MAP2: variants seen among roughly 807,000 people sequenced by gnomAD.
MAP2 encodes microtubule-associated protein 2.
A neutral mutation model predicts 137.6 loss-of-function variants in MAP2; 14 were observed. That is an observed-to-expected ratio of 0.10 (90% CI 0.07 to 0.16). The LOEUF (loss-of-function observed/expected upper bound fraction) is 0.16, where lower values mean the gene tolerates loss of function less well. Ranked by LOEUF, MAP2 falls within the 10% of genes least tolerant of loss-of-function variation. The pLI is 1.00. For synonymous variants in MAP2, 786 were observed against 782.3 expected (o/e 1.00, Z -0.08); for missense variants, 2,088 against 2,191.5 (o/e 0.95, Z 0.94).
chr2:209,707,653 T>C (rs535187540), intron 12 of MAP2, among the ~76,000 whole-genome samples: 111 of 152,266 alleles, frequency 7.3e-4, no homozygotes, highest in Non-Finnish European at 1.1e-3. Context: ...GCTTAACCTC[T>C]TCAAGTTCAG....
At chr2:209,610,217 G>T (rs2086340833) in intron 3 of MAP2, among the ~76,000 whole-genome samples, 1 of 152,010 alleles carries the variant, frequency 6.6e-6, no homozygotes, top group South Asian at 2.1e-4. Context: ...ACATGCAAAG[G>T]CCCTGGCTAT....
chr2:209,698,590 A>AATCAT, intron 10 of MAP2, among the ~76,000 whole-genome samples: 1 of 152,302 alleles, frequency 6.6e-6, no homozygotes, highest in South Asian at 2.1e-4. Flanking sequence ...TTCATCTAGA[A>AATCAT]ATCATATCAT....
chr2:209,548,116 C>A (rs2068446005), intron 2 of MAP2, among the ~76,000 whole-genome samples: 1 of 152,144 alleles, frequency 6.6e-6, no homozygotes. Flanking sequence ...TTCATCTAGG[C>A]ATGTAAATTA....
chr2:209,568,567 A>G (rs1368843452), intron 2 of MAP2, among the ~76,000 whole-genome samples: 1 of 151,956 alleles, frequency 6.6e-6, no homozygotes. Context: ...AGAGAGGTTT[A>G]AAATATTGAG....
At chr2:209,687,461 G>A (rs2057383568) in intron 7 of MAP2, among the ~76,000 whole-genome samples, 1 of 151,974 alleles carries the variant, frequency 6.6e-6, no homozygotes, top group Admixed American at 6.6e-5. Flanking sequence ...TTTTGCCGCA[G>A]GGCTGTCAAT....
At chr2:209,706,554 G>A (rs914242987) in intron 12 of MAP2, among the ~76,000 whole-genome samples, 4 of 151,830 alleles carry the variant, frequency 2.6e-5, no homozygotes, top group African/African-American at 9.7e-5. Context: ...TCTAGAGAGG[G>A]TAACTGCTTC....
chr2:209,424,840 G>C (rs1431290348), intron 1 of MAP2, among the ~76,000 whole-genome samples: 1 of 152,208 alleles, frequency 6.6e-6, no homozygotes, highest in African/African-American at 2.4e-5. Context: ...ATGCCTGGTG[G>C]TGTTGGAGGG....
chr2:209,549,690 A>G (rs1240500830), intron 2 of MAP2, among the ~76,000 whole-genome samples: 3 of 152,152 alleles, frequency 2.0e-5, no homozygotes, highest in African/African-American at 7.2e-5. Flanking sequence ...GTTGCCTGCT[A>G]TTTTCATGGC....
At chr2:209,483,018 G>A (rs570237474) in intron 1 of MAP2, among the ~76,000 whole-genome samples, 51 of 152,206 alleles carry the variant, frequency 3.4e-4, no homozygotes, top group African/African-American at 1.2e-3. Flanking sequence ...GACATTATAT[G>A]TTAACAAAGC....
At chr2:209,609,156 A>G (rs1351263532) in intron 3 of MAP2, among the ~76,000 whole-genome samples, 1 of 152,020 alleles carries the variant, frequency 6.6e-6, no homozygotes, top group African/African-American at 2.4e-5. Context: ...AATGCCTAAT[A>G]TATAGTAACA....
chr2:209,628,462 G>T (rs942662727), intron 4 of MAP2, among the ~76,000 whole-genome samples: 3 of 152,138 alleles, frequency 2.0e-5, no homozygotes, highest in Admixed American at 2.0e-4. Context: ...CCAAGCTCAT[G>T]CCTGTCCAGG....
rs750830083 is a variant in MAP2 at position 209,695,235 on chromosome 2, T to C, written c.3065T>C (p.Val1022Ala). Residue 1022 changes from valine to alanine, a missense_variant, in exon 8 of 16, where the codon GTG becomes GCG. Physicochemically the swap from Val to Ala is moderately conservative, Grantham distance 64. Coordinates refer to ENST00000682079, the MANE Select transcript of MAP2 (RefSeq NM_001375505.1). Reference protein sequence around the residue: ...SEKAEKGLSSVPEIAEVEPSK... With the variant: ...SEKAEKGLSSAPEIAEVEPSK... ...AAAGCAGAGAAGGGTCTTAGTTCAG[T>C]GCCAGAGATAGCTGAGGTAGAACCA... 1 of 1,614,080 alleles carries C rather than the reference T, an allele frequency of 6.2e-7. No individual in the cohort carries two copies. Among genetic ancestry groups the C allele is most frequent in the South Asian group, 1.1e-5 (1 of 91,054 alleles).
rs753113808 is a variant in MAP2 at position 209,696,084 on chromosome 2, G to C, written c.3914G>C (p.Gly1305Ala). 1.9e-6 allele frequency: 3 copies of C among 1,613,898 alleles called. No homozygotes were observed. Among genetic ancestry groups the C allele is most frequent in the Non-Finnish European group, 2.5e-6 (3 of 1,179,990 alleles). ...ACCACAACTGATGAAGGGGAGTCAG[G>C]GTCCCACAGCGTGCGTTTTGCAGCC... ...VQTTTDEGES[G>A]SHSVRFAALE... The change falls in exon 8 of 16, where the codon GGG (glycine) becomes GCG (alanine). Residue 1305 changes from glycine (G) to alanine (A), a missense_variant. Around this residue, in one of 6 missense-constraint regions of MAP2, gnomAD observed 591 missense variants for 642.6 expected, o/e 0.92. Coordinates refer to ENST00000682079, the MANE Select transcript of MAP2 (RefSeq NM_001375505.1).
intron 4 of MAP2, among the ~76,000 whole-genome samples, chr2:209,629,337 G>T (rs1418347962): frequency 1.3e-5 from 2 of 152,084 alleles, no homozygotes; most frequent in East Asian, 1.9e-4. Flanking sequence ...AATAGGCTGG[G>T]TTTTTGTTGT....
chr2:209,514,162 T>C lies in MAP2; in HGVS notation c.-172+6521T>C, dbSNP rs10176677. Among the ~76,000 whole-genome samples the C allele has an allele frequency of 8.0e-3, 1,222 of 151,920 alleles. 19 individuals carry two copies. Among genetic ancestry groups the C allele is most frequent in the African/African-American group, 0.028 (1,171 of 41,468 alleles). Reference sequence around the variant, plus strand: ...TTGTATCATATGTAAATCTAATCATTAGAATCCTGGATATGTTTTTTTAAT... The same window carrying C: ...TTGTATCATATGTAAATCTAATCATCAGAATCCTGGATATGTTTTTTTAAT... On this transcript the variant is annotated intron_variant, in intron 2 of 15. Coordinates refer to ENST00000682079, the MANE Select transcript of MAP2 (RefSeq NM_001375505.1).
intron 14 of MAP2, among the ~76,000 whole-genome samples, chr2:209,726,503 A>C (rs2074061406): frequency 6.6e-6 from 1 of 152,214 alleles, no homozygotes; most frequent in South Asian, 2.1e-4. Context: ...TCATGCCTGT[A>C]ATCTCAGCAC....
intron 5 of MAP2, among the ~76,000 whole-genome samples, chr2:209,664,332 T>C (rs1303937047): frequency 1.3e-5 from 2 of 152,182 alleles, no homozygotes; most frequent in African/African-American, 4.8e-5. Context: ...GGCAGATCAC[T>C]TGAGGTCAGG....
At chr2:209,692,411 A>G (rs2059172240) in intron 7 of MAP2, among the ~76,000 whole-genome samples, 1 of 152,068 alleles carries the variant, frequency 6.6e-6, no homozygotes, top group Non-Finnish European at 1.5e-5. Flanking sequence ...TCCTTTGCAC[A>G]TTAATTTACA....
At chr2:209,718,960 A>G (rs915114486) in intron 13 of MAP2, among the ~76,000 whole-genome samples, 3 of 152,226 alleles carry the variant, frequency 2.0e-5, no homozygotes, top group African/African-American at 7.2e-5. Flanking sequence ...TTGTTTTACT[A>G]TAGGATACTT....
Sources: allele counts gnomAD v4.1 joint callset (sites outside exome capture counted in the v4.1 genomes callset), GRCh38; gene constraint gnomAD v4.1.1; regional missense constraint gnomAD v4.1.1; transcripts MANE v1.5; gene names NCBI Gene and HGNC (gene_info 2026-07-23, HGNC 2026-07-21).